CFAP54: variants seen among roughly 807,000 people sequenced by gnomAD.
CFAP54 encodes the protein cilia- and flagella-associated protein 54.
In CFAP54, 290 loss-of-function variants were observed where a neutral mutation model predicts 370.4. The ratio of observed to expected loss-of-function variants is 0.78; its 90% CI spans 0.71 to 0.86. The LOEUF (loss-of-function observed/expected upper bound fraction) is 0.86. Ranked by LOEUF, CFAP54 falls within the 40% of genes least tolerant of loss-of-function variation. CFAP54 has a pLI of 0.00. For synonymous variants in CFAP54, 1,206 were observed against 1,236.5 expected, an observed-to-expected ratio of 0.98 and a Z score of 0.52; for missense variants, 3,399 against 3,528.7, an observed-to-expected ratio of 0.96 and a Z score of 0.93.
At chr12:96,495,238 CTCCTTCCTTCCT>C (rs58756915) in intron 1 of CFAP54, among the ~76,000 whole-genome samples, 13,510 of 133,028 alleles carry the variant, frequency 0.1, 974 homozygotes, top group East Asian at 0.34. Flanking sequence ...CTTTTCTTTT[CTCCTTCCTTCCT>C]TCCTTCCTTC....
rs1251721037 is a variant in CFAP54 at position 96,592,671 on chromosome 12, ATTCACTGTATTTTT to A, written c.3360+38_3360+51del. The A allele has an allele frequency of 5.6e-6, 4 of 718,626 alleles. No homozygotes were observed. The African/African-American group carries it at 7.3e-5, about 13-fold the overall frequency. The allele number at this position is 718,626 out of a possible 1,614,324, so 44.5% of individuals were successfully genotyped here. On this transcript the variant is annotated intron_variant, in intron 24 of 67. Transcript: ENST00000524981. ...ATTAAAGTGACTAAAAACATGTCAG[ATTCACTGTATTTTT>A]TTCTTGATGTTTTAAGATCATGTTT...
intron 48 of CFAP54, among the ~76,000 whole-genome samples, chr12:96,716,638 T>C (rs1957682924): frequency 6.6e-6 from 1 of 152,164 alleles, no homozygotes; most frequent in South Asian, 2.1e-4. Context: ...CAAGGGGCTG[T>C]GTTTTGCAGA....
intron 61 of CFAP54, among the ~76,000 whole-genome samples, chr12:96,785,895 G>A (rs962507305): frequency 2.0e-4 from 30 of 152,140 alleles, no homozygotes; most frequent in Non-Finnish European, 4.4e-5. Flanking sequence ...GTCTCTCGAC[G>A]GGACAGTTCT....
chr12:96,595,966 G>C (rs1242150263), intron 25 of CFAP54, among the ~76,000 whole-genome samples: 1 of 152,048 alleles, frequency 6.6e-6, no homozygotes, highest in Non-Finnish European at 1.5e-5. Context: ...CACATTTCTT[G>C]ATCATTAAGT....
intron 61 of CFAP54, among the ~76,000 whole-genome samples, 189 bp downstream of exon 61, chr12:96,785,079 G>A (rs1958615726): frequency 6.6e-6 from 1 of 152,050 alleles, no homozygotes. Flanking sequence ...CAATGTAATT[G>A]GTTTCTTTAG....
intron 40 of CFAP54, among the ~76,000 whole-genome samples, chr12:96,681,121 A>ACC (rs200811269): frequency 1.1e-5 from 1 of 87,526 alleles, no homozygotes; most frequent in East Asian, 2.6e-4. Context: ...GCACCCCCCC[A>ACC]CACACACACA....
At chr12:96,564,584 CA>C in intron 18 of CFAP54, 30 bp downstream of exon 18, 6 of 667,332 alleles carry the variant, frequency 9.0e-6, no homozygotes, top group Admixed American at 2.3e-5. Context: ...CTGGTATTTC[CA>C]AAAAATTTGG....
chr12:96,759,289 CAGAA>C (rs1289155070), intron 58 of CFAP54, among the ~76,000 whole-genome samples: 12 of 118,056 alleles, frequency 1.0e-4, no homozygotes, highest in Non-Finnish European at 1.7e-5. Flanking sequence ...TTTCCAGTAA[CAGAA>C]AAAAAAAAAA....
intron 30 of CFAP54, among the ~76,000 whole-genome samples, chr12:96,629,799 A>C (rs1956586688): frequency 6.6e-6 from 1 of 152,176 alleles, no homozygotes; most frequent in Non-Finnish European, 1.5e-5. Flanking sequence ...GAACATTTTA[A>C]CATTAGTGGA....
Position 96,742,428 on chromosome 12 carries a change from A to G in CFAP54, c.7072-11A>G, listed in dbSNP as rs749579571. ...AAATGGAAAGATAACCATCATTTTA[A>G]TATTGTTTAGGTCACTGAAAATAAA... is the stretch of plus-strand genomic sequence containing the variant. On this transcript the variant is annotated splice_polypyrimidine_tract_variant and intron_variant, in intron 51 of 67. Coordinates refer to ENST00000524981, the MANE Select transcript of CFAP54 (RefSeq NM_001306084.2). 9 of 1,539,628 alleles carry G rather than the reference A, an allele frequency of 5.8e-6. No individual in the cohort carries two copies. The highest frequency in any genetic ancestry group is 8.1e-6 in the Non-Finnish European group (9 of 1,116,628).
At chr12:96,741,953 A>G (rs1407241406) in intron 51 of CFAP54, among the ~76,000 whole-genome samples, 1 of 152,174 alleles carries the variant, frequency 6.6e-6, no homozygotes, top group African/African-American at 2.4e-5. Flanking sequence ...AGTTCTCCCA[A>G]CTGTAAAATG....
chr12:96,728,148 A>G (rs1208112041), intron 50 of CFAP54, among the ~76,000 whole-genome samples: 1 of 151,916 alleles, frequency 6.6e-6, no homozygotes, highest in African/African-American at 2.4e-5. Context: ...TCTGACAATT[A>G]TGTGTCTTGG....
At chr12:96,735,770 T>A (rs1204602779) in intron 50 of CFAP54, among the ~76,000 whole-genome samples, 1 of 152,186 alleles carries the variant, frequency 6.6e-6, no homozygotes, top group South Asian at 2.1e-4. Flanking sequence ...ATTTTATACA[T>A]TGAGAAATAG....
intron 51 of CFAP54, among the ~76,000 whole-genome samples, chr12:96,741,327 T>A (rs1212073826): frequency 1.3e-5 from 2 of 152,130 alleles, no homozygotes; most frequent in African/African-American, 4.8e-5. Flanking sequence ...CCACCATGCC[T>A]GTCTAATTTT....
intron 60 of CFAP54, among the ~76,000 whole-genome samples, chr12:96,777,503 C>A (rs1958529989): frequency 6.6e-6 from 1 of 152,124 alleles, no homozygotes; most frequent in African/African-American, 2.4e-5. Context: ...GCATGCACCA[C>A]CATGCCCGGC....
chr12:96,744,961 G>C (rs982988174), intron 55 of CFAP54, among the ~76,000 whole-genome samples: 2 of 152,164 alleles, frequency 1.3e-5, no homozygotes, highest in Non-Finnish European at 2.9e-5. Flanking sequence ...TTGGTTTTCT[G>C]TTCTTGTGTT....
intron 39 of CFAP54, among the ~76,000 whole-genome samples, chr12:96,664,777 C>CTATATCTATA (rs1565934488): frequency 6.7e-5 from 1 of 14,994 alleles, no homozygotes. Context: ...ATATCTATAT[C>CTATATCTATA]TATATATATA....
chr12:96,668,450 T>C (rs1447183547), intron 39 of CFAP54, among the ~76,000 whole-genome samples: 2 of 152,164 alleles, frequency 1.3e-5, no homozygotes, highest in African/African-American at 4.8e-5. Flanking sequence ...GCACATCTTA[T>C]ATGGTGGCAG....
intron 19 of CFAP54, among the ~76,000 whole-genome samples, chr12:96,571,556 A>C (rs921535113): frequency 2.0e-5 from 3 of 152,190 alleles, no homozygotes; most frequent in African/African-American, 7.2e-5. Context: ...TACGTCATGG[A>C]AAGTCTACTT....
Sources: gnomAD v4.1 joint callset for allele counts (sites outside exome capture counted in the v4.1 genomes callset) on GRCh38, gnomAD v4.1.1 for gene constraint, MANE v1.5 for transcripts, NCBI Gene and HGNC (gene_info 2026-07-23, HGNC 2026-07-21) for gene names.